The following LY6D variants were observed in gnomAD, a reference collection of about 807,000 sequenced individuals.
LY6D encodes lymphocyte antigen 6 family member D.
LY6D carries 7 observed loss-of-function variants against 5.6 expected under a neutral mutation model. The observed-to-expected ratio is 1.24, with a 90% CI of 0.71 to 2.34. The LOEUF (loss-of-function observed/expected upper bound fraction) is 2.34. Ranked by LOEUF, LY6D falls within the 30% of genes most tolerant of loss-of-function variation. The pLI is 0.00. For synonymous variants in LY6D, 81 were observed against 75.0 expected (o/e 1.08, Z -0.41); for missense variants, 148 against 164.8 (o/e 0.90, Z 0.56).
At chr8:142,786,171 G>A in intron 1 of LY6D, 1 of 1,264,238 alleles carries the variant, frequency 7.9e-7, no homozygotes, top group Non-Finnish European at 1.0e-6. Context: ...GGGGCTGGTG[G>A]CAGGGACTAG....
rs187558618 is a variant in LY6D, at chr8:142,784,961, G to A, written c.*260C>T. ...ACAAAACAGAAGGAGTGTGAAATCC[G>A]GGGATCCACAGGGCTTCTGTCCTCC... On this transcript the variant is annotated 3_prime_UTR_variant, in exon 3 of 3. Transcript: ENST00000301263. The A allele has an allele frequency of 2.2e-4, 109 of 490,314 alleles. No individual in the cohort carries two copies. The highest frequency in any genetic ancestry group is 1.6e-3 in the African/African-American group (85 of 52,906). The allele number at this position is 490,314 out of a possible 1,614,324, so 30.4% of individuals were successfully genotyped here.
At chr8:142,786,274 A>G in intron 1 of LY6D, 191 bp downstream of exon 1, 1 of 1,369,176 alleles carries the variant, frequency 7.3e-7, no homozygotes, top group Non-Finnish European at 9.4e-7. Context: ...TAAGATCCTC[A>G]GATTCTGAAA....
In LY6D at chr8:142,786,526, C is replaced by A. The variant is rs200448982; in HGVS notation, c.-10G>T. 423 of 1,524,098 alleles carry A rather than the reference C, an allele frequency of 2.8e-4. 1 individual carries two copies. The highest frequency in any genetic ancestry group is 4.4e-4 in the South Asian group (37 of 83,406). 94.4% of individuals were successfully genotyped at this position (1,524,098 alleles called of 1,614,324 possible). The stretch of plus-strand genomic sequence containing the variant: ...GCAATGCTGTCCTCATCTCTGATGT[C>A]GTCTGGGAGCAGTGCGGGCCCCTGC... On this transcript the variant is annotated 5_prime_UTR_variant, in exon 1 of 3. Transcript: ENST00000301263.
intron 1 of LY6D, 35 bp downstream of exon 1, chr8:142,786,430 G>GGCCCCCCCCCCCACC: frequency 7.0e-7 from 1 of 1,434,860 alleles, no homozygotes; most frequent in African/African-American, 1.5e-5. Flanking sequence ...GGCCACAGCC[G>GGCCCCCCCCCCCACC]CCCACCCGCC....
rs201060207 is a variant in LY6D, at chr8:142,785,728, C to A, written c.53-41G>T. The A allele has an allele frequency of 5.6e-4, 905 of 1,609,196 alleles. 7 individuals are homozygous for A. The Admixed American group carries it at 0.014, about 24-fold the overall frequency. Reference sequence around the variant, plus strand: ...TCCGGCTCAGCGGGCCCAACAGAGGCCTCCTGGTGACTCAGCAGGGCCTGC... The same window carrying A: ...TCCGGCTCAGCGGGCCCAACAGAGGACTCCTGGTGACTCAGCAGGGCCTGC... On this transcript the variant is annotated intron_variant, in intron 1 of 2. Coordinates refer to ENST00000301263, the MANE Select transcript of LY6D (RefSeq NM_003695.3).
In LY6D at chr8:142,785,334, A is replaced by T; in HGVS notation, c.274T>A (p.Cys92Ser). Residue 92 changes from cysteine (C) to serine (S), a missense_variant, in exon 3 of 3, where the codon TGC (cysteine) becomes AGC (serine). Cys to Ser is a moderately radical substitution (Grantham distance 112). Coordinates refer to ENST00000301263, the MANE Select transcript of LY6D (RefSeq NM_003695.3). Reference sequence around the variant, plus strand: ...GCAGCGTTGTGCAGCTTCTCATTGCACAGGTCCTCCTGGCAGCACTGGGTG... The same window carrying T: ...GCAGCGTTGTGCAGCTTCTCATTGCTCAGGTCCTCCTGGCAGCACTGGGTG... ...SSTQCCQEDL[C>S]NEKLHNAAPT... The T allele has an allele frequency of 6.2e-7, 1 of 1,613,726 alleles. No homozygotes were observed. The highest frequency in any genetic ancestry group is 8.5e-7 in the Non-Finnish European group (1 of 1,179,940).
At chr8:142,785,941 T>G (rs942301715) in intron 1 of LY6D, 53 of 1,358,390 alleles carry the variant, frequency 3.9e-5, no homozygotes, top group Non-Finnish European at 4.9e-5. Context: ...TTGCAAGCCT[T>G]TCCTCCAAGG....
In LY6D at chr8:142,784,963, G is replaced by A. The variant is rs532720317; in HGVS notation, c.*258C>T. 2.2e-4 allele frequency: 109 copies of A among 493,318 alleles called. No individual in the cohort carries two copies. Among genetic ancestry groups the A allele is most frequent in the African/African-American group, 1.8e-3 (95 of 52,922 alleles). The allele number at this position is 493,318 out of a possible 1,614,324, so 30.6% of individuals were successfully genotyped here. A position where few individuals can be genotyped will look rare whatever the true frequency, so the allele number is the denominator to read the frequency against. On this transcript the variant is annotated 3_prime_UTR_variant, in exon 3 of 3. Transcript: ENST00000301263. ...AAAACAGAAGGAGTGTGAAATCCGG[G>A]GATCCACAGGGCTTCTGTCCTCCAC...
intron 1 of LY6D, 50 bp from the exon 2 acceptor site, chr8:142,785,737 G>T (rs374976384): frequency 1.2e-6 from 2 of 1,605,834 alleles, no homozygotes; most frequent in African/African-American, 1.3e-5. Context: ...GCCTCCTGGT[G>T]ACTCAGCAGG....
chr8:142,786,444 C>T, intron 1 of LY6D, 21 bp downstream of exon 1: 1 of 1,520,206 alleles, frequency 6.6e-7, no homozygotes, highest in Non-Finnish European at 8.9e-7. Context: ...ACCCGCCCGT[C>T]CCCTTGGCCC....
At chr8:142,785,985 T>A in intron 1 of LY6D, 1 of 1,293,710 alleles carries the variant, frequency 7.7e-7, no homozygotes, top group Non-Finnish European at 9.9e-7. Context: ...AAGAGGACAC[T>A]GGCTCTTGTC....
intron 1 of LY6D, chr8:142,786,062 C>T (rs770830322): frequency 1.6e-4 from 193 of 1,186,140 alleles, no homozygotes; most frequent in Middle Eastern, 3.4e-4. Flanking sequence ...GCTAAGGCCC[C>T]GGGGGCAGCC....
At chr8:142,786,434 A>ATGGC in intron 1 of LY6D, 31 bp downstream of exon 1, 1 of 1,213,280 alleles carries the variant, frequency 8.2e-7, no homozygotes, top group Non-Finnish European at 1.1e-6. Context: ...ACAGCCGCCC[A>ATGGC]CCCGCCCGTC....
At chr8:142,786,434 A>AGGCCCCCCCCC in intron 1 of LY6D, 31 bp downstream of exon 1, 1 of 1,213,284 alleles carries the variant, frequency 8.2e-7, no homozygotes. Flanking sequence ...ACAGCCGCCC[A>AGGCCCCCCCCC]CCCGCCCGTC....
At position 142,785,231 on chromosome 8, in the gene LY6D, G is replaced by A; in HGVS notation, c.377C>T (p.Pro126Leu). 1 of 1,603,282 alleles carries A rather than the reference G, an allele frequency of 6.2e-7. No homozygotes were observed. The highest frequency in any genetic ancestry group is 8.5e-7 in the Non-Finnish European group (1 of 1,172,226). The change falls in exon 3 of 3, where the codon CCC (proline) becomes CTC (leucine). Residue 126 changes from proline (P) to leucine (L), a missense_variant. Pro to Leu is a moderately conservative substitution (Grantham distance 98, BLOSUM62 -3). Coordinates refer to ENST00000301263, the MANE Select transcript of LY6D (RefSeq NM_003695.3). ...TCCCTGGGGGGAAGGTCACAGGCTG[G>A]GGGCTAAGATGACGGCCAGGAGGCT... ...ALSLLAVILAPSL is the reference protein window; with the variant it reads ...ALSLLAVILALSL
chr8:142,785,410 C>T lies in LY6D; in HGVS notation c.198G>A (p.Ser66=), dbSNP rs756371335. The change falls in exon 3 of 3, where the codon TCG becomes TCA. Residue 66 remains serine (S), a synonymous_variant. Coordinates refer to ENST00000301263, the MANE Select transcript of LY6D (RefSeq NM_003695.3). ...GNLVKKDCAE[S]CTPSYTLQGQ... is the part of the protein sequence containing the mutation. The stretch of plus-strand genomic sequence containing the variant: ...CTTGCAGGGTGTAGCTGGGTGTGCA[C>T]GACTCCGCACAGTCCTTCTTCACCA... The T allele has an allele frequency of 4.2e-5, 68 of 1,613,386 alleles. No individual in the cohort carries two copies. The highest frequency in any genetic ancestry group is 4.2e-4 in the Admixed American group (25 of 59,988).
intron 1 of LY6D, 125 bp downstream of exon 1, chr8:142,786,332 AATTTGAAG>A (rs1275178030): frequency 3.6e-6 from 5 of 1,379,542 alleles, no homozygotes; most frequent in Non-Finnish European, 4.7e-6. Flanking sequence ...TGTTGTTTTA[AATTTGAAG>A]AGTCTAGCAC....
Position 142,785,137 on chromosome 8 carries a change from C to A in LY6D, c.*84G>T. ...AGCCCTCAGCCTGGGGCTCCTGGCA[C>A]CCCCGTTGCGGCTGGGGAAGAGAGG... On this transcript the variant is annotated 3_prime_UTR_variant, in exon 3 of 3. Coordinates refer to ENST00000301263, the MANE Select transcript of LY6D (RefSeq NM_003695.3). The A allele has an allele frequency of 8.9e-7, 1 of 1,128,588 alleles. No homozygotes were observed. The highest frequency in any genetic ancestry group is 1.3e-6 in the Non-Finnish European group (1 of 799,102). The allele number at this position is 1,128,588 out of a possible 1,614,324, so 69.9% of individuals were successfully genotyped here. A position where few individuals can be genotyped will look rare whatever the true frequency, so the allele number is the denominator to read the frequency against.
Position 142,785,287 on chromosome 8 carries a change from G to A in LY6D, c.321C>T (p.Ala107=), listed in dbSNP as rs1357622365. The part of the protein sequence containing the change: ...HNAAPTRTAL[A]HSALSLGLAL... Reference sequence around the variant, plus strand: ...CCAGCCCCAGGCTGAGGGCACTGTGGGCGAGGGCGGTGCGGGTGGGTGCAG... The same window carrying A: ...CCAGCCCCAGGCTGAGGGCACTGTGAGCGAGGGCGGTGCGGGTGGGTGCAG... Residue 107 remains alanine, a synonymous_variant, in exon 3 of 3, where the codon GCC becomes GCT. Coordinates refer to ENST00000301263, the MANE Select transcript of LY6D (RefSeq NM_003695.3). 1 of 1,613,364 alleles carries A rather than the reference G, an allele frequency of 6.2e-7. No individual in the cohort carries two copies. The highest frequency in any genetic ancestry group is 8.5e-7 in the Non-Finnish European group (1 of 1,179,820).
Sources: allele counts gnomAD v4.1 joint callset, GRCh38; gene constraint gnomAD v4.1.1; transcripts MANE v1.5; gene names NCBI Gene and HGNC (gene_info 2026-07-23, HGNC 2026-07-21).